The following FARP1 variants were observed in gnomAD, a reference collection of about 807,000 sequenced individuals.
FARP1 encodes FERM, ARH/RhoGEF and pleckstrin domain protein 1, also known as FERM, ARHGEF and pleckstrin domain-containing protein 1.
A neutral mutation model predicts 128.8 loss-of-function variants in FARP1; 52 were observed. The ratio of observed to expected loss-of-function variants is 0.40; its 90% CI spans 0.32 to 0.51. The LOEUF is 0.51. Among genes scored for constraint, FARP1 ranks in the 20% least tolerant of loss-of-function variants. The probability of loss-of-function intolerance (pLI) is 0.45; values close to 1 mark genes in which losing one functional copy is unlikely to be tolerated. For synonymous variants in FARP1, 580 were observed against 551.8 expected (o/e 1.05, Z -0.72); for missense variants, 1,333 against 1,367.9 (o/e 0.97, Z 0.40).
At chr13:98,271,212 C>T (rs554925156) in intron 2 of FARP1, among the ~76,000 whole-genome samples, 2 of 152,128 alleles carry the variant, frequency 1.3e-5, no homozygotes, top group African/African-American at 2.4e-5. Flanking sequence ...AACAACTCAA[C>T]AAATTAGGCC....
chr13:98,203,074 A>G (rs1342830443), intron 1 of FARP1, among the ~76,000 whole-genome samples: 1 of 152,202 alleles, frequency 6.6e-6, no homozygotes, highest in South Asian at 2.1e-4. Context: ...AAAAAGGTCC[A>G]AAAGAGCATC....
chr13:98,224,237 G>A (rs114242283), intron 2 of FARP1, among the ~76,000 whole-genome samples: 2,124 of 152,232 alleles, frequency 0.014, 51 homozygotes, highest in African/African-American at 0.048. Flanking sequence ...TTAAAAAATA[G>A]GCAGTTACGG....
chr13:98,268,778 T>TTGTGTGTGTGTGTGTGTGTGTGTGTGTG (rs59132299), intron 2 of FARP1, among the ~76,000 whole-genome samples: 1 of 148,184 alleles, frequency 6.7e-6, no homozygotes, highest in African/African-American at 2.5e-5. Flanking sequence ...TTTCCCTTCT[T>TTGTGTGTGTGTGTGTGTGTGTGTGTGTG]TGTGTGTGTG....
intron 3 of FARP1, among the ~76,000 whole-genome samples, chr13:98,357,859 G>A (rs1015557111): frequency 3.3e-5 from 5 of 152,118 alleles, no homozygotes; most frequent in East Asian, 1.9e-4. Context: ...ATTTGGAAGC[G>A]ATTTGATCCT....
chr13:98,269,775 G>C (rs1016126922), intron 2 of FARP1, among the ~76,000 whole-genome samples: 3 of 152,178 alleles, frequency 2.0e-5, no homozygotes, highest in Non-Finnish European at 4.4e-5. Flanking sequence ...GGGTGTCAGC[G>C]AAGATGTTGG....
intron 5 of FARP1, among the ~76,000 whole-genome samples, chr13:98,377,400 C>T (rs1332121089): frequency 4.6e-5 from 7 of 150,742 alleles, no homozygotes; most frequent in African/African-American, 1.7e-4. Context: ...AATGACGCCC[C>T]CTTGTTTTTC....
intron 2 of FARP1, among the ~76,000 whole-genome samples, chr13:98,264,622 CAGA>C (rs1884017902): frequency 6.6e-6 from 1 of 152,146 alleles, no homozygotes; most frequent in African/African-American, 2.4e-5. Context: ...AGTGAAAAAG[CAGA>C]AGTTCTCTAC....
At chr13:98,154,509 G>A (rs1876361764) in intron 1 of FARP1, among the ~76,000 whole-genome samples, 1 of 152,164 alleles carries the variant, frequency 6.6e-6, no homozygotes, top group South Asian at 2.1e-4. Flanking sequence ...CCTGCGTTTT[G>A]AAGGAGTGGA....
chr13:98,227,261 G>A (rs1881850649), intron 2 of FARP1, among the ~76,000 whole-genome samples: 2 of 152,066 alleles, frequency 1.3e-5, no homozygotes, highest in South Asian at 2.1e-4. Context: ...CATTTCTAAC[G>A]TTCATGTTCA....
chr13:98,342,763 G>T (rs1888023101), intron 2 of FARP1, among the ~76,000 whole-genome samples: 1 of 148,084 alleles, frequency 6.8e-6, no homozygotes, highest in South Asian at 2.2e-4. Context: ...AGTGGCTCAT[G>T]CCTGTAATCC....
intron 24 of FARP1, among the ~76,000 whole-genome samples, chr13:98,444,896 C>G (rs1278937770): frequency 1.3e-5 from 2 of 152,238 alleles, no homozygotes; most frequent in Admixed American, 6.5e-5. Flanking sequence ...GCCCTGGCCA[C>G]CACCAGGACC....
chr13:98,273,168 G>A (rs2139589435), intron 2 of FARP1, among the ~76,000 whole-genome samples: 1 of 152,304 alleles, frequency 6.6e-6, no homozygotes, highest in Non-Finnish European at 1.5e-5. Context: ...GGGCTTATAG[G>A]TGGATTCAGA....
At chr13:98,291,647 C>T (rs765353093) in intron 2 of FARP1, among the ~76,000 whole-genome samples, 2 of 152,188 alleles carry the variant, frequency 1.3e-5, no homozygotes, top group Non-Finnish European at 2.9e-5. Flanking sequence ...CAGCAAGATT[C>T]CATGTCCTGG....
At position 98,223,265 on chromosome 13, in the gene FARP1, T is replaced by C. The variant is rs535162711; in HGVS notation, c.171+9852T>C. On this transcript the variant is annotated intron_variant, in intron 2 of 26. Transcript: ENST00000319562. ...GTGACAAATGTTTTACTTGAAATAA[T>C]GTCTTCCTTCAGTTGACATGAAAGG... is the stretch of plus-strand genomic sequence containing the variant. Among the ~76,000 whole-genome samples, 3 of 152,348 alleles carry C rather than the reference T, an allele frequency of 2.0e-5. No individual in the cohort carries two copies. The East Asian group carries it at 5.8e-4, about 29-fold the overall frequency.
chr13:98,298,344 T>G (rs919574565), intron 2 of FARP1, among the ~76,000 whole-genome samples: 3 of 152,212 alleles, frequency 2.0e-5, no homozygotes, highest in African/African-American at 4.8e-5. Context: ...GAAGACTGAT[T>G]GACAAGGTCC....
At chr13:98,394,382 A>G (rs566670668) in intron 12 of FARP1, among the ~76,000 whole-genome samples, 1 of 152,324 alleles carries the variant, frequency 6.6e-6, no homozygotes, top group East Asian at 1.9e-4. Context: ...ATAAGCAAAC[A>G]TGTCCTTTGT....
chr13:98,391,367 C>T (rs901189098), intron 11 of FARP1, among the ~76,000 whole-genome samples: 5 of 152,160 alleles, frequency 3.3e-5, no homozygotes, highest in East Asian at 3.9e-4. Context: ...CAGCCTCAGC[C>T]TCTGGGACTC....
At chr13:98,408,071 G>T (rs1269123264) in intron 13 of FARP1, among the ~76,000 whole-genome samples, 1 of 152,140 alleles carries the variant, frequency 6.6e-6, no homozygotes, top group Non-Finnish European at 1.5e-5. Context: ...CGCTGACTTT[G>T]TCTTTCCTTA....
chr13:98,390,208 G>C, intron 10 of FARP1, 88 bp downstream of exon 10: 1 of 1,419,308 alleles, frequency 7.0e-7, no homozygotes, highest in Non-Finnish European at 9.6e-7. Flanking sequence ...GCAGGTCAGG[G>C]AGGTGAACGC....
Sources: allele counts gnomAD v4.1 joint callset (sites outside exome capture counted in the v4.1 genomes callset), GRCh38; gene constraint gnomAD v4.1.1; transcripts MANE v1.5; gene names NCBI Gene and HGNC (gene_info 2026-07-23, HGNC 2026-07-21).